FAT3: variants seen among roughly 807,000 people sequenced by gnomAD.
FAT3 encodes the protein FAT atypical cadherin 3.
A neutral mutation model predicts 310.2 loss-of-function variants in FAT3; 95 were observed. That is an observed-to-expected ratio of 0.31 (90% CI 0.26 to 0.36). The LOEUF (loss-of-function observed/expected upper bound fraction) is 0.36, where lower values mean the gene tolerates loss of function less well. Ranked by LOEUF, FAT3 falls within the 10% of genes least tolerant of loss-of-function variation. The probability of loss-of-function intolerance (pLI) is 1.00; values close to 1 mark genes in which losing one functional copy is unlikely to be tolerated. For missense variants in FAT3, 5,408 were observed against 5,715.6 expected, an observed-to-expected ratio of 0.95 and a Z score of 1.74; for synonymous variants, 2,314 against 2,192.9, an observed-to-expected ratio of 1.06 and a Z score of -1.54.
At chr11:92,673,977 T>G (rs1943208657) in intron 3 of FAT3, among the ~76,000 whole-genome samples, 1 of 151,978 alleles carries the variant, frequency 6.6e-6, no homozygotes. Context: ...GGTCAGGAGT[T>G]CGAGACCAGC....
At chr11:92,619,811 T>C (rs1940999604) in intron 3 of FAT3, among the ~76,000 whole-genome samples, 1 of 152,068 alleles carries the variant, frequency 6.6e-6, no homozygotes, top group South Asian at 2.1e-4. Context: ...AAAAACACTT[T>C]TAGTTTTGTT....
At chr11:92,776,737 G>A (rs1946608415) in intron 7 of FAT3, among the ~76,000 whole-genome samples, 1 of 152,204 alleles carries the variant, frequency 6.6e-6, no homozygotes, top group Non-Finnish European at 1.5e-5. Flanking sequence ...AGGGTGCCAA[G>A]AGATTTTCTT....
chr11:92,228,753 G>A (rs34152904), intron 1 of FAT3, among the ~76,000 whole-genome samples: 43,989 of 152,140 alleles, frequency 0.29, 6,860 homozygotes, highest in Admixed American at 0.45. Context: ...TTGGGGTATG[G>A]CATTCCTTCA....
intron 1 of FAT3, among the ~76,000 whole-genome samples, chr11:92,231,769 G>A (rs1864190359): frequency 6.6e-6 from 1 of 150,770 alleles, no homozygotes; most frequent in Admixed American, 6.6e-5. Context: ...ATTAAATTTA[G>A]TGACAAATGT....
At chr11:92,698,561 A>G (rs898453435) in intron 4 of FAT3, among the ~76,000 whole-genome samples, 4 of 152,160 alleles carry the variant, frequency 2.6e-5, no homozygotes, top group Non-Finnish European at 5.9e-5. Flanking sequence ...CGTATTTTTA[A>G]AACTCTTAAA....
At chr11:92,369,178 A>G (rs1054425037) in intron 2 of FAT3, among the ~76,000 whole-genome samples, 2 of 152,230 alleles carry the variant, frequency 1.3e-5, no homozygotes, top group East Asian at 1.9e-4. Flanking sequence ...TGCAAAATTT[A>G]TAAAAATGTA....
At position 92,855,202 on chromosome 11, in the gene FAT3, GTTGTGAAC is replaced by G. The variant is rs1328919108; in HGVS notation, c.11366-2009_11366-2002del. ...GAAAACAGCAGAGTCAGCTGGTAGGGTTGTGAACTTATTATGAATAAACATTAAGGCAG... is the reference window on the plus strand; with the variant it reads ...GAAAACAGCAGAGTCAGCTGGTAGGGTTATTATGAATAAACATTAAGGCAG... On this transcript the variant is annotated intron_variant, in intron 19 of 27. Coordinates refer to ENST00000525166, the MANE Select transcript of FAT3 (RefSeq NM_001367949.2). 2.6e-5 allele frequency among the ~76,000 whole-genome samples: 4 copies of G among 152,232 alleles called. 1 individual carries two copies. The highest frequency in any genetic ancestry group is 2.6e-4 in the Admixed American group (4 of 15,284).
chr11:92,565,220 A>G (rs1955385544), intron 3 of FAT3, among the ~76,000 whole-genome samples: 1 of 151,570 alleles, frequency 6.6e-6, no homozygotes, highest in Non-Finnish European at 1.5e-5. Context: ...CACCGATCCC[A>G]CGGAAATACA....
chr11:92,640,470 T>C (rs995346722), intron 3 of FAT3, among the ~76,000 whole-genome samples: 2 of 152,208 alleles, frequency 1.3e-5, no homozygotes, highest in African/African-American at 4.8e-5. Flanking sequence ...CAGTAATTAT[T>C]AATTACTGCC....
chr11:92,337,288 A>G (rs555944516), intron 1 of FAT3, among the ~76,000 whole-genome samples: 3 of 152,296 alleles, frequency 2.0e-5, no homozygotes, highest in African/African-American at 7.2e-5. Context: ...GGTTCAGGAC[A>G]TTTAGTCTAA....
chr11:92,766,660 C>T (rs1235752502), intron 6 of FAT3: 1 of 152,246 alleles, frequency 6.6e-6, no homozygotes, highest in African/African-American at 2.4e-5. Context: ...TGGGCATCCT[C>T]ACAGCAAGCT....
chr11:92,227,305 A>G (rs1863962457), intron 1 of FAT3, among the ~76,000 whole-genome samples: 1 of 152,118 alleles, frequency 6.6e-6, no homozygotes, highest in Non-Finnish European at 1.5e-5. Flanking sequence ...GAGCAGGCCT[A>G]CCAGTTCATC....
At chr11:92,597,064 T>C (rs1939748495) in intron 3 of FAT3, among the ~76,000 whole-genome samples, 1 of 152,184 alleles carries the variant, frequency 6.6e-6, no homozygotes, top group African/African-American at 2.4e-5. Context: ...GCTTGCACAC[T>C]GTATTAATGA....
At chr11:92,424,279 G>A (rs894331861) in intron 2 of FAT3, among the ~76,000 whole-genome samples, 5 of 152,030 alleles carry the variant, frequency 3.3e-5, no homozygotes, top group African/African-American at 1.2e-4. Flanking sequence ...AATTTTGATA[G>A]TTTTTGAATT....
At chr11:92,405,470 C>T (rs1950117897) in intron 2 of FAT3, among the ~76,000 whole-genome samples, 1 of 152,176 alleles carries the variant, frequency 6.6e-6, no homozygotes, top group South Asian at 2.1e-4. Flanking sequence ...TCAAACAAGG[C>T]TCCAGTTTAT....
At chr11:92,426,106 G>C (rs1950626938) in intron 2 of FAT3, among the ~76,000 whole-genome samples, 1 of 152,112 alleles carries the variant, frequency 6.6e-6, no homozygotes, top group Admixed American at 6.5e-5. Flanking sequence ...TCTCATTGTG[G>C]TTTTGATTTG....
chr11:92,520,877 T>C (rs2135347411), intron 2 of FAT3, among the ~76,000 whole-genome samples: 1 of 152,280 alleles, frequency 6.6e-6, no homozygotes, highest in Non-Finnish European at 1.5e-5. Context: ...GCCATATACA[T>C]CTTTTATTTT....
intron 4 of FAT3, among the ~76,000 whole-genome samples, chr11:92,746,356 T>TA (rs972524643): frequency 2.4e-4 from 37 of 152,302 alleles, no homozygotes; most frequent in African/African-American, 8.9e-4. Context: ...CTCTCATTTA[T>TA]AAAACCATCA....
rs559360996 is a variant in FAT3 at position 92,599,470 on chromosome 11, C to A, written c.3607+74522C>A. On this transcript the variant is annotated intron_variant, in intron 3 of 27. Transcript: ENST00000525166. ...TGAGAGGATTATGGGAACTACAGTT[C>A]AAGACGACATTTAGGCAGAGACACA... 3.9e-5 allele frequency among the ~76,000 whole-genome samples: 6 copies of A among 152,192 alleles called. No homozygotes were observed. In the South Asian group the frequency reaches 6.2e-4, roughly 16 times the overall value.
Sources: gnomAD v4.1 joint callset for allele counts (sites outside exome capture counted in the v4.1 genomes callset) on GRCh38, gnomAD v4.1.1 for gene constraint, MANE v1.5 for transcripts, NCBI Gene and HGNC (gene_info 2026-07-23, HGNC 2026-07-21) for gene names.